DOT1L: variants seen among roughly 807,000 people sequenced by gnomAD.
DOT1L encodes DOT1 like histone lysine methyltransferase.
DOT1L carries 33 observed loss-of-function variants against 153.3 expected under a neutral mutation model. The ratio of observed to expected loss-of-function variants is 0.22; its 90% CI spans 0.16 to 0.29. The LOEUF is 0.29. Ranked by LOEUF, DOT1L falls within the 10% of genes least tolerant of loss-of-function variation. The pLI is 1.00. For synonymous variants in DOT1L, 1,135 were observed against 965.1 expected, an observed-to-expected ratio of 1.18 and a Z score of -3.26; for missense variants, 1,847 against 2,119.9, an observed-to-expected ratio of 0.87 and a Z score of 2.53.
Position 2,222,441 on chromosome 19 carries a change from G to T in DOT1L, c.3272G>T (p.Arg1091Leu). Residue 1091 changes from arginine to leucine, a missense_variant, in exon 24 of 28, where the codon CGA becomes CTA. Physicochemically the swap from Arg to Leu is moderately radical, Grantham distance 102 (BLOSUM62 -2). Transcript: ENST00000398665. The surrounding 1 kb of genome is among the most constrained non-coding windows in gnomAD (Gnocchi z 6.5). ...AGTCGCAGGCGCGGCCGGCGGAAGC[G>T]AGCATCTGCGGGGACGCCCAGCTTG... ...QDSRRRGRRK[R>L]ASAGTPSLSA... 6.2e-7 allele frequency: 1 copy of T among 1,609,038 alleles called. No homozygotes were observed. The highest frequency in any genetic ancestry group is 1.1e-5 in the South Asian group (1 of 90,916).
chr19:2,192,643 G>A (rs187476752), intron 5 of DOT1L, among the ~76,000 whole-genome samples: 7 of 149,690 alleles, frequency 4.7e-5, no homozygotes, highest in African/African-American at 9.9e-5. Flanking sequence ...ACGGCACTCC[G>A]GCCTGGGTGA....
intron 3 of DOT1L, among the ~76,000 whole-genome samples, chr19:2,187,707 G>A (rs528333323): frequency 6.6e-6 from 1 of 152,250 alleles, no homozygotes; most frequent in South Asian, 2.1e-4. Flanking sequence ...TGGATCACGA[G>A]GTCAGGAGAT....
chr19:2,172,526 CAG>C (rs567436305), intron 1 of DOT1L, among the ~76,000 whole-genome samples: 87 of 143,520 alleles, frequency 6.1e-4, no homozygotes, highest in African/African-American at 2.2e-3. Flanking sequence ...TTTTTGAAGA[CAG>C]AGTCTCACTC....
chr19:2,217,018 G>A lies in DOT1L; in HGVS notation c.2472G>A (p.Lys824=). 5 of 1,613,150 alleles carry A rather than the reference G, an allele frequency of 3.1e-6. No individual in the cohort carries two copies. Among genetic ancestry groups the A allele is most frequent in the Non-Finnish European group, 4.2e-6 (5 of 1,179,922 alleles). Residue 824 remains lysine, a synonymous_variant, in exon 21 of 28, where the codon AAG becomes AAA. Coordinates refer to ENST00000398665, the MANE Select transcript of DOT1L (RefSeq NM_032482.3). The surrounding 1 kb of genome is among the most constrained non-coding windows in gnomAD (Gnocchi z 7.3). ...GCCCCAGCGTGCCTGGCAGCATGAAGCTGAGCCCTCAGGACCCGCGGCCCC... is the reference window on the plus strand; with the variant it reads ...GCCCCAGCGTGCCTGGCAGCATGAAACTGAGCCCTCAGGACCCGCGGCCCC... The part of the protein sequence containing the change: ...YQSPSVPGSM[K]LSPQDPRPLS...
At chr19:2,227,210 C>G in intron 27 of DOT1L, 83 bp downstream of exon 27, 3 of 1,533,386 alleles carry the variant, frequency 2.0e-6, no homozygotes, top group Non-Finnish European at 2.7e-6. Context: ...TCCGCACTCT[C>G]TTGCAGCAGG....
In DOT1L at chr19:2,181,939, C is replaced by T. The variant is rs140258024; in HGVS notation, c.125+1183C>T. 2.6e-3 allele frequency among the ~76,000 whole-genome samples: 393 copies of T among 152,250 alleles called. 3 individuals carry two copies. Among genetic ancestry groups the T allele is most frequent in the South Asian group, 0.016 (75 of 4,828 alleles). ...GCCGGGCAGTCTTTTTAAGAATGCT[C>T]AAGCTGTGCACGGTGGCTCACGCCT... On this transcript the variant is annotated intron_variant, in intron 2 of 27. Coordinates refer to ENST00000398665, the MANE Select transcript of DOT1L (RefSeq NM_032482.3).
At chr19:2,173,686 C>A (rs914748306) in intron 1 of DOT1L, among the ~76,000 whole-genome samples, 1 of 152,232 alleles carries the variant, frequency 6.6e-6, no homozygotes, top group Admixed American at 6.5e-5. Flanking sequence ...GCGGGCTGCC[C>A]GGAAGACCTC....
rs753778094 is a variant in DOT1L, at chr19:2,226,343, G to A, written c.3822G>A (p.Thr1274=). 14 of 1,593,194 alleles carry A rather than the reference G, an allele frequency of 8.8e-6. No individual in the cohort carries two copies. Among genetic ancestry groups the A allele is most frequent in the African/African-American group, 2.7e-5 (2 of 74,618 alleles). The change falls in exon 27 of 28, where the codon ACG becomes ACA. Residue 1274 remains threonine, a synonymous_variant. Coordinates refer to ENST00000398665, the MANE Select transcript of DOT1L (RefSeq NM_032482.3). ...SSALSQNSLF[T]FRPALEEPSA... ...CCCTCAGCCAGAACTCCCTGTTCACGTTCCGGCCCGCCCTGGAGGAGCCCT... is the reference window on the plus strand; with the variant it reads ...CCCTCAGCCAGAACTCCCTGTTCACATTCCGGCCCGCCCTGGAGGAGCCCT...
Position 2,220,480 on chromosome 19 carries a change from C to T in DOT1L, c.2806+258C>T, listed in dbSNP as rs554839718. ...CACCTCCTGCTTGGGTGTATTAATT[C>T]AGCCCGTGAGGTCGGCCCCAGTGCT... On this transcript the variant is annotated intron_variant, in intron 23 of 27. Coordinates refer to ENST00000398665, the MANE Select transcript of DOT1L (RefSeq NM_032482.3). This position sits in a 1 kb window ranked among gnomAD's most constrained non-coding sequence, Gnocchi z 4.5. 4 of 596,488 alleles carry T rather than the reference C, an allele frequency of 6.7e-6. No homozygotes were observed. The highest frequency in any genetic ancestry group is 1.3e-5 in the Non-Finnish European group (4 of 316,928). 36.9% of individuals were successfully genotyped at this position (596,488 alleles called of 1,614,324 possible). A position where few individuals can be genotyped will look rare whatever the true frequency, so the allele number is the denominator to read the frequency against.
chr19:2,226,927 C>A lies in DOT1L; in HGVS notation c.4406C>A (p.Pro1469Gln). The change falls in exon 27 of 28, where the codon CCG becomes CAG. Residue 1469 changes from proline to glutamine, a missense_variant. Transcript: ENST00000398665. ...QTHRSFLGPF[P>Q]PGPQFALGPM... ...CACCGGTCCTTCCTGGGCCCCTTCC[C>A]GCCGGGACCGCAGTTCGCGCTCGGC... The A allele has an allele frequency of 6.3e-7, 1 of 1,581,720 alleles. No individual in the cohort carries two copies. The highest frequency in any genetic ancestry group is 8.5e-7 in the Non-Finnish European group (1 of 1,172,594).
Position 2,203,182 on chromosome 19 carries a change from A to T in DOT1L, c.787+403A>T, listed in dbSNP as rs1461458626. Reference sequence around the variant, plus strand: ...CAGTGGCGCGATCTCAGCTTACCGCAACCTCTGCCTCCCGGGTTCAAGCAA... The same window carrying T: ...CAGTGGCGCGATCTCAGCTTACCGCTACCTCTGCCTCCCGGGTTCAAGCAA... On this transcript the variant is annotated intron_variant, in intron 9 of 27. Coordinates refer to ENST00000398665, the MANE Select transcript of DOT1L (RefSeq NM_032482.3). Among the ~76,000 whole-genome samples the T allele has an allele frequency of 3.3e-5, 5 of 152,222 alleles. No individual in the cohort carries two copies. In the East Asian group the frequency reaches 9.6e-4, roughly 29 times the overall value.
chr19:2,187,355 C>T (rs2022561925), intron 3 of DOT1L, among the ~76,000 whole-genome samples: 1 of 152,214 alleles, frequency 6.6e-6, no homozygotes, highest in Admixed American at 6.5e-5. Flanking sequence ...TCACGGCGCC[C>T]CTCCACGTGG....
intron 7 of DOT1L, among the ~76,000 whole-genome samples, chr19:2,195,960 C>T (rs896965085): frequency 1.3e-5 from 2 of 152,232 alleles, no homozygotes; most frequent in Admixed American, 6.5e-5. Flanking sequence ...TCACTGTCTC[C>T]TCAGCAGGGT....
rs78069541 is a variant in DOT1L, at chr19:2,168,541, G to C, written c.81+4276G>C. Among the ~76,000 whole-genome samples the C allele has an allele frequency of 1.3e-3, 198 of 152,302 alleles. 1 individual carries two copies. In the East Asian group the frequency reaches 0.035, roughly 27 times the overall value. ...GGGTTTGCCCAATTGGCAAACGCAA[G>C]GGGGAGGAAGGGAGATTTTTATTCT... On this transcript the variant is annotated intron_variant, in intron 1 of 27. Coordinates refer to ENST00000398665, the MANE Select transcript of DOT1L (RefSeq NM_032482.3).
Position 2,208,218 on chromosome 19 carries a change from TG to T in DOT1L, c.963+540del, listed in dbSNP as rs1406331815. ...CCGGGCACGAGTATCCCGAGCCTCC[TG>T]GCATGTGGGCAGCGCCAGCCCTCCA... On this transcript the variant is annotated intron_variant, in intron 11 of 27. Transcript: ENST00000398665. This position sits in a 1 kb window ranked among gnomAD's most constrained non-coding sequence, Gnocchi z 4.4. Among the ~76,000 whole-genome samples, 1 of 152,102 alleles carries T rather than the reference TG, an allele frequency of 6.6e-6. No homozygotes were observed. The highest frequency in any genetic ancestry group is 2.4e-5 in the African/African-American group (1 of 41,412).
At chr19:2,202,877 C>CT in intron 9 of DOT1L, 98 bp downstream of exon 9, 1 of 1,230,658 alleles carries the variant, frequency 8.1e-7, no homozygotes, top group Admixed American at 1.8e-5. Context: ...GCAGCTCAGA[C>CT]TTGGGGTCTT....
At chr19:2,214,077 G>T (rs2023814671) in intron 18 of DOT1L, 91 bp downstream of exon 18, 2 of 1,503,188 alleles carry the variant, frequency 1.3e-6, no homozygotes, top group Non-Finnish European at 1.8e-6. Context: ...GGCTCTGGAA[G>T]GCCCGCCTCT....
In DOT1L at chr19:2,226,914, C is replaced by T. The variant is rs370811407; in HGVS notation, c.4393C>T (p.Leu1465=). The change falls in exon 27 of 28, where the codon CTG becomes TTG. Residue 1465 remains leucine, a synonymous_variant. Transcript: ENST00000398665. ...ASSAQTHRSF[L]GPFPPGPQFA... is the part of the protein sequence containing the mutation. The stretch of plus-strand genomic sequence containing the variant: ...CTCCGCCCAGACGCACCGGTCCTTC[C>T]TGGGCCCCTTCCCGCCGGGACCGCA... 49 of 1,580,832 alleles carry T rather than the reference C, an allele frequency of 3.1e-5. No individual in the cohort carries two copies. The highest frequency in any genetic ancestry group is 4.1e-5 in the Non-Finnish European group (48 of 1,172,124).
Position 2,197,605 on chromosome 19 carries a change from G to A in DOT1L, c.652-2279G>A, listed in dbSNP as rs952908613. Among the ~76,000 whole-genome samples, 1 of 152,206 alleles carries A rather than the reference G, an allele frequency of 6.6e-6. No homozygotes were observed. Among genetic ancestry groups the A allele is most frequent in the Admixed American group, 6.5e-5 (1 of 15,288 alleles). On this transcript the variant is annotated intron_variant, in intron 7 of 27. Coordinates refer to ENST00000398665, the MANE Select transcript of DOT1L (RefSeq NM_032482.3). The surrounding 1 kb of genome is among the most constrained non-coding windows in gnomAD (Gnocchi z 4.1). ...GCTGAGCAGCATGGTGTCTAGTGTG[G>A]CACAGGTGCTCCTGGCATGGAGCTG...
Sources: gnomAD v4.1 joint callset for allele counts (sites outside exome capture counted in the v4.1 genomes callset) on GRCh38, gnomAD v4.1.1 for gene constraint, Gnocchi (gnomAD v3.1) non-coding constraint, MANE v1.5 for transcripts, NCBI Gene and HGNC (gene_info 2026-07-23, HGNC 2026-07-21) for gene names.